TMEM273: variants seen among roughly 807,000 people sequenced by gnomAD.
The protein encoded by TMEM273 is transmembrane protein 273, also known as chromosome 10 open reading frame 128.
A neutral mutation model predicts 17.9 loss-of-function variants in TMEM273; 19 were observed. The ratio of observed to expected loss-of-function variants is 1.06; its 90% CI spans 0.74 to 1.55. The LOEUF is 1.55. TMEM273 is among the 40% of genes most tolerant of loss of function. The probability of loss-of-function intolerance (pLI) is 0.00; values close to 1 mark genes in which losing one functional copy is unlikely to be tolerated. For synonymous variants in TMEM273, 66 were observed against 62.0 expected (o/e 1.07, Z -0.31); for missense variants, 194 against 155.6 (o/e 1.25, Z -1.31).
At chr10:49,172,547 C>A (rs1262932796) in intron 1 of TMEM273, among the ~76,000 whole-genome samples, 1 of 152,178 alleles carries the variant, frequency 6.6e-6, no homozygotes, top group East Asian at 1.9e-4. Flanking sequence ...TTTGTTCCAC[C>A]TTCGAGCCTC....
At chr10:49,175,399 G>A (rs1049233820) in intron 1 of TMEM273, among the ~76,000 whole-genome samples, 10 of 152,202 alleles carry the variant, frequency 6.6e-5, no homozygotes. Flanking sequence ...GAAGCAGGAG[G>A]CCACGGAGGG....
Position 49,165,789 on chromosome 10 carries a change from G to T in TMEM273, c.246C>A (p.Ile82=), listed in dbSNP as rs753072705. Residue 82 remains isoleucine, a synonymous_variant, in exon 4 of 7, where the codon ATC becomes ATA. Transcript: ENST00000374153. ...KSTPGGLSDT[I]PLKKRAPRKL... is the part of the protein sequence containing the mutation. ...ACCTTGGGGCTCTCTTCTTTAGCGG[G>T]ATGGTGTCTAAACAGAGAAAGCCGG... The T allele has an allele frequency of 1.5e-5, 24 of 1,614,062 alleles. No homozygotes were observed. The African/African-American group carries it at 3.2e-4, about 22-fold the overall frequency.
chr10:49,184,282 A>T (rs190201330), intron 1 of TMEM273, among the ~76,000 whole-genome samples: 6 of 152,368 alleles, frequency 3.9e-5, no homozygotes, highest in African/African-American at 1.2e-4. Flanking sequence ...AGAAAAACCA[A>T]GCACACAAAA....
chr10:49,181,393 A>C (rs1373475558), intron 1 of TMEM273, among the ~76,000 whole-genome samples: 3 of 152,264 alleles, frequency 2.0e-5, no homozygotes, highest in Admixed American at 6.5e-5. Context: ...GATAAAGGAA[A>C]GAGAAATGCG....
intron 6 of TMEM273, among the ~76,000 whole-genome samples, chr10:49,156,975 A>C (rs1047876847): frequency 6.6e-6 from 1 of 152,228 alleles, no homozygotes; most frequent in Non-Finnish European, 1.5e-5. Context: ...AAAAGATGGA[A>C]GGTTCAGAAG....
intron 1 of TMEM273, among the ~76,000 whole-genome samples, chr10:49,186,703 G>T (rs889848023): frequency 6.6e-6 from 1 of 152,240 alleles, no homozygotes; most frequent in African/African-American, 2.4e-5. Context: ...ACAGAACAGG[G>T]ATGAACATTT....
intron 1 of TMEM273, among the ~76,000 whole-genome samples, chr10:49,187,242 C>T (rs528882482): frequency 1.7e-4 from 26 of 152,280 alleles, no homozygotes; most frequent in African/African-American, 4.1e-4. Flanking sequence ...TCACTGCCAA[C>T]GGCCCGTTTC....
chr10:49,171,380 C>T (rs1367056185), intron 1 of TMEM273, among the ~76,000 whole-genome samples: 1 of 152,224 alleles, frequency 6.6e-6, no homozygotes, highest in Non-Finnish European at 1.5e-5. Context: ...GGGCTACCTC[C>T]AGAGGACTTG....
At chr10:49,159,441 A>G (rs1277403821) in intron 6 of TMEM273, among the ~76,000 whole-genome samples, 1 of 152,240 alleles carries the variant, frequency 6.6e-6, no homozygotes, top group African/African-American at 2.4e-5. Context: ...TTTTGTGTGT[A>G]TTATAGAATA....
intron 1 of TMEM273, among the ~76,000 whole-genome samples, chr10:49,183,325 A>C (rs957347334): frequency 1.3e-5 from 2 of 151,748 alleles, no homozygotes; most frequent in African/African-American, 4.8e-5. Context: ...GGTATACAAA[A>C]TTTACCTCAA....
At chr10:49,157,340 G>T (rs1005984437) in intron 6 of TMEM273, among the ~76,000 whole-genome samples, 1 of 152,206 alleles carries the variant, frequency 6.6e-6, no homozygotes, top group African/African-American at 2.4e-5. Context: ...AGAGTCTAGG[G>T]CAGCATCTGC....
chr10:49,160,804 C>G (rs187014100), intron 6 of TMEM273: 3 of 152,066 alleles, frequency 2.0e-5, no homozygotes, highest in Non-Finnish European at 4.4e-5. Flanking sequence ...AAGGGGGCAC[C>G]GTGTCAGTGA....
chr10:49,180,331 G>C (rs933013167), intron 1 of TMEM273, among the ~76,000 whole-genome samples: 1 of 152,122 alleles, frequency 6.6e-6, no homozygotes, highest in Non-Finnish European at 1.5e-5. Context: ...TTCCACTTCT[G>C]GCAATAATTG....
intron 1 of TMEM273, among the ~76,000 whole-genome samples, chr10:49,185,366 CA>C (rs1178989548): frequency 6.6e-6 from 1 of 152,108 alleles, no homozygotes; most frequent in African/African-American, 2.4e-5. Context: ...TCCTGGATGC[CA>C]CAGAGGGACT....
chr10:49,175,658 C>T (rs560334941), intron 1 of TMEM273, among the ~76,000 whole-genome samples: 166 of 152,350 alleles, frequency 1.1e-3, no homozygotes, highest in African/African-American at 3.5e-3. Context: ...GGGGTGGAGG[C>T]GGAGAGCTGG....
intron 1 of TMEM273, among the ~76,000 whole-genome samples, chr10:49,172,554 CCT>C (rs1846647759): frequency 6.6e-6 from 1 of 152,188 alleles, no homozygotes; most frequent in Non-Finnish European, 1.5e-5. Flanking sequence ...CACCTTCGAG[CCT>C]CTCTGTGGGG....
At chr10:49,185,443 T>A (rs57374856) in intron 1 of TMEM273, among the ~76,000 whole-genome samples, 4,926 of 152,050 alleles carry the variant, frequency 0.032, 178 homozygotes, top group South Asian at 0.091. Context: ...CCTGGGTGAC[T>A]GGCCTGGTCA....
At chr10:49,171,647 G>C (rs1480663717) in intron 1 of TMEM273, among the ~76,000 whole-genome samples, 1 of 152,210 alleles carries the variant, frequency 6.6e-6, no homozygotes, top group African/African-American at 2.4e-5. Context: ...TCTGTAAGTG[G>C]CTCTCCCAAC....
chr10:49,175,064 G>T (rs1057099426), intron 1 of TMEM273, among the ~76,000 whole-genome samples: 14 of 151,988 alleles, frequency 9.2e-5, no homozygotes, highest in African/African-American at 3.4e-4. Context: ...TCTCGGTGAG[G>T]TGGCAGCAGG....
Sources: allele counts gnomAD v4.1 joint callset (sites outside exome capture counted in the v4.1 genomes callset), GRCh38; gene constraint gnomAD v4.1.1; transcripts MANE v1.5; gene names NCBI Gene and HGNC (gene_info 2026-07-23, HGNC 2026-07-21).